The following STT3B variants were observed in gnomAD, a reference collection of about 807,000 sequenced individuals.
STT3B encodes STT3 oligosaccharyltransferase complex catalytic subunit B.
In STT3B, 29 loss-of-function variants were observed where a neutral mutation model predicts 96.8. The ratio of observed to expected loss-of-function variants is 0.30; its 90% CI spans 0.22 to 0.41. The LOEUF (loss-of-function observed/expected upper bound fraction) is 0.41. Among genes scored for constraint, STT3B ranks in the 10% least tolerant of loss-of-function variants. STT3B has a pLI of 1.00. For missense variants in STT3B, 640 were observed against 1,022.3 expected (o/e 0.63, Z 5.10); for synonymous variants, 367 against 360.0 (o/e 1.02, Z -0.22).
intron 9 of STT3B, chr3:31,620,283 A>G (rs1450555619): frequency 6.5e-6 from 1 of 153,418 alleles, no homozygotes; most frequent in Admixed American, 6.4e-5. Context: ...TCAAAAAAAA[A>G]AAAAAAAAGA....
chr3:31,540,746 T>G (rs7610458), intron 1 of STT3B, among the ~76,000 whole-genome samples: 86,956 of 151,982 alleles, frequency 0.57, 27,773 homozygotes, highest in Non-Finnish European at 0.72. Flanking sequence ...GCCCATACTG[T>G]TAAAAAAATT....
intron 5 of STT3B, among the ~76,000 whole-genome samples, chr3:31,606,815 A>G (rs147186306): frequency 2.5e-3 from 387 of 152,330 alleles, no homozygotes; most frequent in African/African-American, 9.0e-3. Context: ...ATTCACTGAC[A>G]GCTTGCACCA....
At chr3:31,604,799 G>A (rs573245472) in intron 5 of STT3B, among the ~76,000 whole-genome samples, 1 of 152,110 alleles carries the variant, frequency 6.6e-6, no homozygotes, top group Non-Finnish European at 1.5e-5. Context: ...AGAATTTGTG[G>A]TAATGTAACC....
chr3:31,536,125 C>T (rs1697088340), intron 1 of STT3B, among the ~76,000 whole-genome samples: 1 of 151,948 alleles, frequency 6.6e-6, no homozygotes, highest in Non-Finnish European at 1.5e-5. Context: ...CTCATTCATT[C>T]TTATCTGATT....
At chr3:31,575,467 G>A (rs72856014) in intron 1 of STT3B, among the ~76,000 whole-genome samples, 1 of 147,734 alleles carries the variant, frequency 6.8e-6, no homozygotes, top group African/African-American at 2.5e-5. Flanking sequence ...TGATTTTTTT[G>A]GGGGGGGGAT....
At chr3:31,632,529 A>G (rs1004616931) in intron 14 of STT3B, among the ~76,000 whole-genome samples, 2 of 152,172 alleles carry the variant, frequency 1.3e-5, no homozygotes, top group Non-Finnish European at 2.9e-5. Flanking sequence ...TAGCCATGCA[A>G]AAGAGCTGAA....
intron 1 of STT3B, among the ~76,000 whole-genome samples, chr3:31,538,865 C>T (rs1412159850): frequency 6.6e-6 from 1 of 152,096 alleles, no homozygotes; most frequent in African/African-American, 2.4e-5. Context: ...CTGTTGTCCT[C>T]TTCTTACCTA....
In STT3B at chr3:31,611,470, C is replaced by T. The variant is rs143864646; in HGVS notation, c.878-3635C>T. On this transcript the variant is annotated intron_variant, in intron 5 of 15. Transcript: ENST00000295770. ...CTGTAGTACAAAGTCTGGCAAAAAG[C>T]GTATGTTTTCATTTTGCAGTGGAGA... is the stretch of plus-strand genomic sequence containing the variant. Among the ~76,000 whole-genome samples, 247 of 152,148 alleles carry T rather than the reference C, an allele frequency of 1.6e-3. 2 individuals are homozygous for T. The highest frequency in any genetic ancestry group is 5.3e-3 in the African/African-American group (221 of 41,530).
At chr3:31,612,803 A>T (rs1276752531) in intron 5 of STT3B, among the ~76,000 whole-genome samples, 2 of 152,176 alleles carry the variant, frequency 1.3e-5, no homozygotes, top group Non-Finnish European at 2.9e-5. Flanking sequence ...TGATTGCTAA[A>T]ATTTTTACAT....
At position 31,636,025 on chromosome 3, in the gene STT3B, T is replaced by A. The variant is rs1699748871; in HGVS notation, c.2442T>A (p.Val814=). The change falls in exon 16 of 16, where the codon GTT becomes GTA. Residue 814 remains valine (V), a synonymous_variant. Transcript: ENST00000295770. ...RKRGYIKNKL[V]FKKGKKISKK... ...GTGGCTACATTAAAAATAAGCTGGT[T>A]TTTAAGAAAGGCAAGAAAATATCTA... 1 of 1,609,798 alleles carries A rather than the reference T, an allele frequency of 6.2e-7. No homozygotes were observed. The highest frequency in any genetic ancestry group is 1.1e-5 in the South Asian group (1 of 89,848).
chr3:31,568,496 CT>C (rs1222653660), intron 1 of STT3B, among the ~76,000 whole-genome samples: 1 of 152,134 alleles, frequency 6.6e-6, no homozygotes, highest in Non-Finnish European at 1.5e-5. Flanking sequence ...ACTGTTCCCC[CT>C]TCCCCACATC....
chr3:31,577,487 A>C (rs1698289214), intron 2 of STT3B, among the ~76,000 whole-genome samples: 1 of 152,140 alleles, frequency 6.6e-6, no homozygotes, highest in Non-Finnish European at 1.5e-5. Context: ...GGGATTACCC[A>C]GTTATGTTTT....
At chr3:31,552,215 C>T (rs1387067635) in intron 1 of STT3B, among the ~76,000 whole-genome samples, 2 of 152,216 alleles carry the variant, frequency 1.3e-5, no homozygotes, top group South Asian at 2.1e-4. Context: ...AAATACCCTT[C>T]GTAAACCTTT....
At chr3:31,599,050 C>T (rs925463392) in intron 4 of STT3B, among the ~76,000 whole-genome samples, 1 of 152,108 alleles carries the variant, frequency 6.6e-6, no homozygotes, top group Non-Finnish European at 1.5e-5. Context: ...CTCAGGTGAT[C>T]CGCCTGCCTC....
At chr3:31,615,811 C>T (rs1699294596) in intron 6 of STT3B, among the ~76,000 whole-genome samples, 1 of 151,758 alleles carries the variant, frequency 6.6e-6, no homozygotes, top group Admixed American at 6.6e-5. Context: ...TAAAAACAAC[C>T]CTTAAAATTG....
At chr3:31,579,699 G>T in intron 2 of STT3B, 110 bp from the exon 3 acceptor site, 4 of 857,714 alleles carry the variant, frequency 4.7e-6, no homozygotes, top group Non-Finnish European at 6.8e-6. Context: ...TTGAGATGTT[G>T]CTTTCAAACT....
chr3:31,629,080 T>C (rs1475196509), intron 13 of STT3B, among the ~76,000 whole-genome samples: 1 of 152,194 alleles, frequency 6.6e-6, no homozygotes, highest in Non-Finnish European at 1.5e-5. Context: ...CACTCCAGCC[T>C]CGAGGACAGA....
chr3:31,631,376 A>T (rs907472915), intron 14 of STT3B, among the ~76,000 whole-genome samples: 1 of 152,232 alleles, frequency 6.6e-6, no homozygotes, highest in Non-Finnish European at 1.5e-5. Context: ...CACACTGGCC[A>T]TAATAATCAG....
At chr3:31,571,384 G>A (rs60685348) in intron 1 of STT3B, among the ~76,000 whole-genome samples, 8,032 of 151,312 alleles carry the variant, frequency 0.053, 727 homozygotes, top group African/African-American at 0.18. Flanking sequence ...AGTATTTTCA[G>A]CATCACTAAG....
Sources: gnomAD v4.1 joint callset for allele counts (sites outside exome capture counted in the v4.1 genomes callset) on GRCh38, gnomAD v4.1.1 for gene constraint, MANE v1.5 for transcripts, NCBI Gene and HGNC (gene_info 2026-07-23, HGNC 2026-07-21) for gene names.